FOXN2: variants seen among roughly 807,000 people sequenced by gnomAD.
FOXN2 encodes the protein forkhead box protein N2.
A neutral mutation model predicts 41.2 loss-of-function variants in FOXN2; 19 were observed. That is an observed-to-expected ratio of 0.46 (90% CI 0.32 to 0.68). The LOEUF is 0.68. Ranked by LOEUF, FOXN2 falls within the 30% of genes least tolerant of loss-of-function variation. The pLI, the probability that FOXN2 is intolerant of heterozygous loss-of-function variation, is 0.03. For synonymous variants in FOXN2, 195 were observed against 176.8 expected, an observed-to-expected ratio of 1.10 and a Z score of -0.82; for missense variants, 587 against 509.4, an observed-to-expected ratio of 1.15 and a Z score of -1.47.
intron 2 of FOXN2, among the ~76,000 whole-genome samples, chr2:48,344,849 C>T (rs999377647): frequency 6.7e-6 from 1 of 149,984 alleles, no homozygotes; most frequent in African/African-American, 2.4e-5. Context: ...TACCCCCCCC[C>T]CCCAATTATT....
intron 2 of FOXN2, among the ~76,000 whole-genome samples, chr2:48,339,870 CAATT>C (rs960037243): frequency 2.0e-5 from 3 of 152,128 alleles, no homozygotes; most frequent in African/African-American, 2.4e-5. Flanking sequence ...CAAACATAAA[CAATT>C]AAATGTTCCT....
chr2:48,333,088 T>G lies in FOXN2; in HGVS notation c.-15+4386T>G, dbSNP rs191931625. Among the ~76,000 whole-genome samples the G allele has an allele frequency of 2.6e-5, 4 of 152,320 alleles. No homozygotes were observed. The East Asian group carries it at 7.7e-4, about 29-fold the overall frequency. ...TTCTGCCCAATATCTCCTAGTGTTA[T>G]GTATGTTAATCCTTTCTAAAGGAAG... On this transcript the variant is annotated intron_variant, in intron 2 of 6. Coordinates refer to ENST00000340553, the MANE Select transcript of FOXN2 (RefSeq NM_002158.4).
chr2:48,375,589 T>C lies in FOXN2; in HGVS notation c.*146T>C. On this transcript the variant is annotated 3_prime_UTR_variant, in exon 7 of 7. Coordinates refer to ENST00000340553, the MANE Select transcript of FOXN2 (RefSeq NM_002158.4). ...CATTTTTGGTTTTTGGTTTTTAAAA[T>C]TTTTATTAAACAATTGCTGTTAGGA... 3.8e-6 allele frequency: 3 copies of C among 781,842 alleles called. No individual in the cohort carries two copies. Among genetic ancestry groups the C allele is most frequent in the Non-Finnish European group, 5.9e-6 (3 of 507,502 alleles). 48.4% of individuals were successfully genotyped at this position (781,842 alleles called of 1,614,324 possible). A position where few individuals can be genotyped will look rare whatever the true frequency, so the allele number is the denominator to read the frequency against.
intron 4 of FOXN2, among the ~76,000 whole-genome samples, chr2:48,362,359 A>T (rs1022096645): frequency 6.6e-6 from 1 of 152,180 alleles, no homozygotes; most frequent in Non-Finnish European, 1.5e-5. Context: ...TGAGCCCAGG[A>T]GTTTGAGACT....
At chr2:48,328,077 A>T (rs1331196452) in intron 1 of FOXN2, among the ~76,000 whole-genome samples, 1 of 152,256 alleles carries the variant, frequency 6.6e-6, no homozygotes, top group African/African-American at 2.4e-5. Context: ...TATAGGTGAT[A>T]TACTGCATGA....
In FOXN2 at chr2:48,375,211, T is replaced by A. The variant is rs1330229157; in HGVS notation, c.1064T>A (p.Val355Asp). 1.9e-6 allele frequency: 3 copies of A among 1,614,122 alleles called. No homozygotes were observed. The highest frequency in any genetic ancestry group is 2.5e-6 in the Non-Finnish European group (3 of 1,179,986). ...EGFHSEEDTDVDYEDDPLGDS... is the reference protein window; with the variant it reads ...EGFHSEEDTDDDYEDDPLGDS... ...TTTCACAGTGAAGAAGATACAGACG[T>A]TGATTATGAAGATGATCCTCTTGGA... is the stretch of plus-strand genomic sequence containing the variant. Residue 355 changes from valine to aspartate, a missense_variant, in exon 7 of 7, where the codon GTT becomes GAT. By Grantham distance (152) the Val-to-Asp change is radical. Transcript: ENST00000340553.
intron 4 of FOXN2, among the ~76,000 whole-genome samples, chr2:48,360,173 C>G (rs1672078068): frequency 6.6e-6 from 1 of 152,082 alleles, no homozygotes; most frequent in African/African-American, 2.4e-5. Flanking sequence ...ATATGACCTT[C>G]TTAAATCTGA....
At chr2:48,335,551 A>AGCAAAAACATCTTTAAAGATCATGG (rs11268660) in intron 2 of FOXN2, among the ~76,000 whole-genome samples, 67,757 of 151,836 alleles carry the variant, frequency 0.45, 15,416 homozygotes, top group East Asian at 0.52. Flanking sequence ...AGAATTCTAT[A>AGCAAAAACATCTTTAAAGATCATGG]GCAAAAACAT....
intron 4 of FOXN2, among the ~76,000 whole-genome samples, chr2:48,360,466 C>T (rs1405480402): frequency 6.6e-6 from 1 of 152,074 alleles, no homozygotes; most frequent in Non-Finnish European, 1.5e-5. Context: ...TGTTAGATAA[C>T]TTGTAGAGGA....
intron 5 of FOXN2, among the ~76,000 whole-genome samples, chr2:48,364,284 A>G (rs865861759): frequency 3.7e-4 from 56 of 152,138 alleles, no homozygotes; most frequent in Admixed American, 6.6e-4. Flanking sequence ...CCAGAGGGCA[A>G]TGGCACAGTC....
chr2:48,332,617 A>G (rs1048327975), intron 2 of FOXN2, among the ~76,000 whole-genome samples: 13 of 152,164 alleles, frequency 8.5e-5, no homozygotes, highest in Admixed American at 8.5e-4. Flanking sequence ...AATATAAAGC[A>G]TTGTTACTGA....
chr2:48,355,743 G>A (rs1671753341), intron 3 of FOXN2, among the ~76,000 whole-genome samples: 1 of 152,122 alleles, frequency 6.6e-6, no homozygotes, highest in African/African-American at 2.4e-5. Flanking sequence ...AGGCAGAATG[G>A]CAAGGTCTAG....
At chr2:48,345,627 G>A (rs1007374829) in intron 2 of FOXN2, among the ~76,000 whole-genome samples, 2 of 151,862 alleles carry the variant, frequency 1.3e-5, no homozygotes, top group East Asian at 1.9e-4. Flanking sequence ...ATTATTTGTC[G>A]ATTCAAAATA....
At chr2:48,372,428 T>G (rs1225349311) in intron 5 of FOXN2, among the ~76,000 whole-genome samples, 1 of 152,206 alleles carries the variant, frequency 6.6e-6, no homozygotes, top group Non-Finnish European at 1.5e-5. Flanking sequence ...AGATATAGAT[T>G]AGAAATTTCA....
At chr2:48,315,720 C>T (rs1406102296) in intron 1 of FOXN2, among the ~76,000 whole-genome samples, 2 of 152,156 alleles carry the variant, frequency 1.3e-5, no homozygotes, top group Non-Finnish European at 2.9e-5. Context: ...TTAACTCCAC[C>T]CCCTTTTGCA....
At chr2:48,361,989 G>A (rs1359380927) in intron 4 of FOXN2, among the ~76,000 whole-genome samples, 2 of 152,082 alleles carry the variant, frequency 1.3e-5, no homozygotes, top group Non-Finnish European at 2.9e-5. Flanking sequence ...TAACTATCAT[G>A]TATTATCTAT....
intron 5 of FOXN2, among the ~76,000 whole-genome samples, chr2:48,368,179 T>C (rs756219366): frequency 5.3e-5 from 8 of 152,158 alleles, no homozygotes; most frequent in Non-Finnish European, 1.0e-4. Flanking sequence ...TTGAACCAGT[T>C]ATGAAATCAG....
At chr2:48,346,806 G>C in intron 3 of FOXN2, 55 bp downstream of exon 3, 1 of 1,410,466 alleles carries the variant, frequency 7.1e-7, no homozygotes, top group Admixed American at 2.5e-5. Flanking sequence ...TAATTAACAT[G>C]GAGCCCTTAA....
intron 1 of FOXN2, among the ~76,000 whole-genome samples, chr2:48,324,097 G>C (rs1363753734): frequency 6.6e-6 from 1 of 151,880 alleles, no homozygotes; most frequent in African/African-American, 2.4e-5. Context: ...CTCTTAAGTA[G>C]AGACCTGAAA....
Sources: gnomAD v4.1 joint callset for allele counts (sites outside exome capture counted in the v4.1 genomes callset) on GRCh38, gnomAD v4.1.1 for gene constraint, MANE v1.5 for transcripts, NCBI Gene and HGNC (gene_info 2026-07-23, HGNC 2026-07-21) for gene names.